NT5DC1: variants seen among roughly 807,000 people sequenced by gnomAD.
NT5DC1 encodes the protein 5'-nucleotidase domain-containing protein 1.
NT5DC1 carries 42 observed loss-of-function variants against 59.4 expected under a neutral mutation model. The ratio of observed to expected loss-of-function variants is 0.71; its 90% CI spans 0.55 to 0.92. The LOEUF (loss-of-function observed/expected upper bound fraction) is 0.92, where lower values mean the gene tolerates loss of function less well. NT5DC1 is among the 40% of genes least tolerant of loss of function. NT5DC1 has a pLI of 0.00. For synonymous variants in NT5DC1, 172 were observed against 188.1 expected, an observed-to-expected ratio of 0.91 and a Z score of 0.70; for missense variants, 501 against 537.1, an observed-to-expected ratio of 0.93 and a Z score of 0.66.
chr6:116,227,349 A>G (rs1392196845), intron 8 of NT5DC1, among the ~76,000 whole-genome samples: 1 of 152,176 alleles, frequency 6.6e-6, no homozygotes, highest in African/African-American at 2.4e-5. Context: ...TATATATACC[A>G]TATTTTCTTT....
At chr6:116,125,530 T>A in intron 6 of NT5DC1, 3 of 1,603,094 alleles carry the variant, frequency 1.9e-6, no homozygotes, top group Non-Finnish European at 2.6e-6. Context: ...AAAGAATAAC[T>A]TTATACAGCA....
intron 6 of NT5DC1, chr6:116,122,084 C>T: frequency 1.1e-6 from 1 of 910,870 alleles, no homozygotes; most frequent in East Asian, 2.4e-5. Context: ...TCCATGTAGA[C>T]AGAACAGTCT....
intron 1 of NT5DC1, among the ~76,000 whole-genome samples, chr6:116,101,371 C>T (rs9400888): frequency 0.44 from 66,867 of 152,002 alleles, 15,316 homozygotes; most frequent in East Asian, 0.68. Context: ...GAAGATCTCA[C>T]GTCGTGGAAC....
At chr6:116,159,188 A>T (rs552415385) in intron 6 of NT5DC1, among the ~76,000 whole-genome samples, 2 of 152,222 alleles carry the variant, frequency 1.3e-5, no homozygotes, top group East Asian at 1.9e-4. Context: ...TTTTAAATAT[A>T]CAATTATGTG....
chr6:116,153,577 T>C lies in NT5DC1; in HGVS notation c.529+35632T>C, dbSNP rs545906421. ...GTCATAAGTACCTCTGTTAGGTACT[T>C]AGTTAGGCTTCAGGAATATAGTTAC... On this transcript the variant is annotated intron_variant, in intron 6 of 11. Transcript: ENST00000319550. Among the ~76,000 whole-genome samples the C allele has an allele frequency of 2.4e-4, 37 of 152,262 alleles. 1 individual carries two copies. The South Asian group carries it at 7.5e-3, about 31-fold the overall frequency.
At chr6:116,185,261 A>G (rs1381506121) in intron 6 of NT5DC1, among the ~76,000 whole-genome samples, 9 of 152,080 alleles carry the variant, frequency 5.9e-5, no homozygotes, top group Non-Finnish European at 2.9e-5. Flanking sequence ...AAATTTGTTA[A>G]GACTTGCTTT....
intron 6 of NT5DC1, among the ~76,000 whole-genome samples, chr6:116,141,577 G>T (rs1160981136): frequency 2.0e-5 from 3 of 151,788 alleles, no homozygotes; most frequent in Non-Finnish European, 2.9e-5. Flanking sequence ...AATTTTTTTT[G>T]ATGACCTTCC....
rs111812231 is a variant in NT5DC1 at position 116,178,096 on chromosome 6, C to T, written c.530-42958C>T. Among the ~76,000 whole-genome samples the T allele has an allele frequency of 1.4e-3, 154 of 107,856 alleles. 1 individual carries two copies. The highest frequency in any genetic ancestry group is 3.3e-3 in the African/African-American group (78 of 23,754). The allele number at this position is 107,856 out of a possible 152,430, so 70.8% of individuals were successfully genotyped here. On this transcript the variant is annotated intron_variant, in intron 6 of 11. Transcript: ENST00000319550. ...GTGTGTGTGTGTGTGTGTGCGCGCG[C>T]GCGCGCGTGCGTGCGTGTGTGTGTG...
chr6:116,116,460 G>A (rs2114263266), intron 5 of NT5DC1, among the ~76,000 whole-genome samples: 1 of 152,234 alleles, frequency 6.6e-6, no homozygotes, highest in Non-Finnish European at 1.5e-5. Context: ...TGGCCAATAT[G>A]GTGAAACCTT....
chr6:116,125,586 C>CTGTG, intron 6 of NT5DC1: 1 of 1,273,518 alleles, frequency 7.9e-7, no homozygotes, highest in East Asian at 2.4e-5. Flanking sequence ...CAGATGAGTT[C>CTGTG]TTTATACAGT....
intron 6 of NT5DC1, among the ~76,000 whole-genome samples, chr6:116,136,625 A>G (rs1205503069): frequency 6.6e-6 from 1 of 152,184 alleles, no homozygotes; most frequent in Non-Finnish European, 1.5e-5. Context: ...GTCAAATTTC[A>G]TTTGTGAAAT....
chr6:116,236,258 T>C (rs1295036332), intron 8 of NT5DC1, among the ~76,000 whole-genome samples: 6 of 152,246 alleles, frequency 3.9e-5, no homozygotes, highest in Non-Finnish European at 7.3e-5. Context: ...AAAACCTTAC[T>C]CAATCTTCCT....
intron 8 of NT5DC1, among the ~76,000 whole-genome samples, chr6:116,236,314 C>T (rs1316339629): frequency 1.3e-5 from 2 of 152,188 alleles, no homozygotes; most frequent in African/African-American, 2.4e-5. Flanking sequence ...TTTCAGCTCA[C>T]GTACAAGTAA....
At chr6:116,174,830 C>G (rs1289627094) in intron 6 of NT5DC1, among the ~76,000 whole-genome samples, 2 of 152,118 alleles carry the variant, frequency 1.3e-5, no homozygotes, top group Non-Finnish European at 2.9e-5. Flanking sequence ...GCTAATTCAA[C>G]CTAATGGGAT....
intron 11 of NT5DC1, among the ~76,000 whole-genome samples, chr6:116,239,745 A>G (rs1398365728): frequency 6.6e-6 from 1 of 152,212 alleles, no homozygotes; most frequent in African/African-American, 2.4e-5. Context: ...TCTTTTGAGG[A>G]AGATAACATC....
chr6:116,121,952 A>C, intron 6 of NT5DC1: 1 of 1,612,136 alleles, frequency 6.2e-7, no homozygotes, highest in Non-Finnish European at 8.5e-7. Context: ...CTCTCCTCTT[A>C]CTGCTATACC....
chr6:116,238,114 T>G (rs1782155262), intron 9 of NT5DC1, 73 bp from the exon 10 acceptor site: 2 of 1,148,774 alleles, frequency 1.7e-6, no homozygotes, highest in Admixed American at 2.4e-5. Flanking sequence ...AGAAATTTTC[T>G]TCTTCCTTAT....
intron 5 of NT5DC1, among the ~76,000 whole-genome samples, chr6:116,117,373 A>G (rs1778986290): frequency 6.6e-6 from 1 of 152,166 alleles, no homozygotes; most frequent in Non-Finnish European, 1.5e-5. Context: ...AAGAATGATA[A>G]CTTTATTATG....
intron 6 of NT5DC1, among the ~76,000 whole-genome samples, chr6:116,168,709 A>G (rs980301258): frequency 6.6e-6 from 1 of 151,696 alleles, no homozygotes; most frequent in African/African-American, 2.4e-5. Context: ...GTTTTTTTTA[A>G]TTTTATAGAA....
Sources: allele counts gnomAD v4.1 joint callset (sites outside exome capture counted in the v4.1 genomes callset), GRCh38; gene constraint gnomAD v4.1.1; transcripts MANE v1.5; gene names NCBI Gene and HGNC (gene_info 2026-07-23, HGNC 2026-07-21).